Variants in RNF152 observed in about 807,000 individuals in gnomAD.
The protein encoded by RNF152 is E3 ubiquitin-protein ligase RNF152.
RNF152 carries 11 observed loss-of-function variants against 12.7 expected under a neutral mutation model. That is an observed-to-expected ratio of 0.86 (90% confidence interval 0.54 to 1.43). RNF152 has a LOEUF of 1.43. Among genes scored for constraint, RNF152 ranks in the 40% most tolerant of loss-of-function variants. The probability of loss-of-function intolerance (pLI) is 0.00; values close to 1 mark genes in which losing one functional copy is unlikely to be tolerated. For synonymous variants in RNF152, 113 were observed against 120.3 expected (o/e 0.94, Z 0.40); for missense variants, 255 against 274.8 (o/e 0.93, Z 0.51).
chr18:61,865,689 T>A (rs1047295142), intron 1 of RNF152, among the ~76,000 whole-genome samples: 26 of 152,178 alleles, frequency 1.7e-4, no homozygotes, highest in Admixed American at 1.4e-3. Flanking sequence ...GGACTAATAC[T>A]TTGTACCTCA....
intron 1 of RNF152, among the ~76,000 whole-genome samples, chr18:61,818,056 T>A (rs1477202443): frequency 6.6e-6 from 1 of 152,176 alleles, no homozygotes; most frequent in African/African-American, 2.4e-5. Context: ...CTTTCCAATT[T>A]CCTTTGTGAA....
At chr18:61,842,841 T>A (rs1281061611) in intron 1 of RNF152, among the ~76,000 whole-genome samples, 2 of 152,146 alleles carry the variant, frequency 1.3e-5, no homozygotes, top group Non-Finnish European at 2.9e-5. Context: ...AGGAAACCCA[T>A]TCACTATCAC....
At chr18:61,831,045 T>C (rs1039766763) in intron 1 of RNF152, among the ~76,000 whole-genome samples, 1 of 152,216 alleles carries the variant, frequency 6.6e-6, no homozygotes, top group Admixed American at 6.5e-5. Context: ...GGTATTTCCA[T>C]TAACAGGCCT....
chr18:61,816,635 T>G (rs1909110942), intron 1 of RNF152, 37 bp from the exon 2 acceptor site: 1 of 664,830 alleles, frequency 1.5e-6, no homozygotes, highest in South Asian at 2.3e-5. Context: ...TCTTAATTAT[T>G]TCAAAGAAGT....
intron 1 of RNF152, among the ~76,000 whole-genome samples, chr18:61,841,569 G>T (rs1219668993): frequency 1.3e-5 from 2 of 152,136 alleles, no homozygotes; most frequent in African/African-American, 4.8e-5. Flanking sequence ...CTAGTCTAGG[G>T]ATTCTTAACT....
At chr18:61,841,156 G>A (rs187380966) in intron 1 of RNF152, among the ~76,000 whole-genome samples, 148 of 152,226 alleles carry the variant, frequency 9.7e-4, no homozygotes, top group African/African-American at 3.5e-3. Flanking sequence ...ATTCCTGCAG[G>A]GTTCCATACA....
intron 1 of RNF152, among the ~76,000 whole-genome samples, chr18:61,837,705 T>C (rs1455108205): frequency 6.6e-6 from 1 of 152,230 alleles, no homozygotes; most frequent in Non-Finnish European, 1.5e-5. Context: ...ATAGCAAGCC[T>C]CTTGTGCTTC....
intron 1 of RNF152, among the ~76,000 whole-genome samples, chr18:61,884,783 T>C (rs889141912): frequency 1.2e-4 from 18 of 152,176 alleles, no homozygotes; most frequent in African/African-American, 4.1e-4. Context: ...GGTCTTGAAC[T>C]CCTGACTTCA....
rs868677209 is a variant in RNF152 at position 61,859,990 on chromosome 18, T to C, written c.-136+32805A>G. On this transcript the variant is annotated intron_variant, in intron 1 of 1. Coordinates refer to ENST00000312828, the MANE Select transcript of RNF152 (RefSeq NM_173557.3). ...TGTCATTAGTTAAGATGAGGTTATA[T>C]TGGAGCAGGGTGGGCCCTTAATCCA... is the stretch of plus-strand genomic sequence containing the variant. Among the ~76,000 whole-genome samples the C allele has an allele frequency of 6.6e-5, 10 of 152,164 alleles. No individual in the cohort carries two copies. In the East Asian group the frequency reaches 1.9e-3, roughly 29 times the overall value.
intron 1 of RNF152, among the ~76,000 whole-genome samples, chr18:61,863,121 C>T (rs188169700): frequency 9.0e-4 from 137 of 152,232 alleles, no homozygotes; most frequent in Non-Finnish European, 1.8e-3. Context: ...ATGTGTTGCC[C>T]GTAAAACATT....
intron 1 of RNF152, among the ~76,000 whole-genome samples, chr18:61,830,992 A>G (rs1482868785): frequency 2.6e-5 from 4 of 152,216 alleles, no homozygotes; most frequent in Non-Finnish European, 5.9e-5. Context: ...TATTTATATG[A>G]AGTTATATTT....
intron 1 of RNF152, among the ~76,000 whole-genome samples, chr18:61,816,911 C>G (rs751969752): frequency 2.3e-4 from 35 of 152,228 alleles, no homozygotes; most frequent in Non-Finnish European, 4.1e-4. Flanking sequence ...TAAGCAAGCT[C>G]TGGGTCATCC....
intron 1 of RNF152, among the ~76,000 whole-genome samples, chr18:61,849,164 G>A (rs1467214466): frequency 3.9e-5 from 6 of 152,154 alleles, no homozygotes; most frequent in African/African-American, 1.2e-4. Context: ...AGAAACAGGG[G>A]AGTACTGCCC....
chr18:61,828,895 T>C (rs1568267124), intron 1 of RNF152, among the ~76,000 whole-genome samples: 3 of 152,170 alleles, frequency 2.0e-5, no homozygotes, highest in Non-Finnish European at 4.4e-5. Flanking sequence ...AGTCATGTGA[T>C]TGATACTTCA....
chr18:61,858,202 C>T (rs576734038), intron 1 of RNF152, among the ~76,000 whole-genome samples: 1 of 152,184 alleles, frequency 6.6e-6, no homozygotes, highest in Non-Finnish European at 1.5e-5. Context: ...ACTGTGGGCT[C>T]GGCTGTGACC....
chr18:61,865,047 A>C (rs527760302), intron 1 of RNF152, among the ~76,000 whole-genome samples: 3 of 152,170 alleles, frequency 2.0e-5, no homozygotes, highest in Non-Finnish European at 2.9e-5. Context: ...TATGATGAAA[A>C]ACAAAAGATA....
chr18:61,828,196 T>C (rs926674404), intron 1 of RNF152, among the ~76,000 whole-genome samples: 3 of 152,222 alleles, frequency 2.0e-5, no homozygotes, highest in Admixed American at 2.0e-4. Context: ...CTGCCACTAA[T>C]AGCCACTGCT....
chr18:61,819,812 G>A (rs1909292804), intron 1 of RNF152, among the ~76,000 whole-genome samples: 1 of 150,982 alleles, frequency 6.6e-6, no homozygotes, highest in South Asian at 2.1e-4. Flanking sequence ...CTTGAGGCCA[G>A]GAGTTTGAGA....
intron 1 of RNF152, among the ~76,000 whole-genome samples, chr18:61,850,683 A>T (rs1473689455): frequency 6.6e-6 from 1 of 152,238 alleles, no homozygotes; most frequent in East Asian, 1.9e-4. Flanking sequence ...TAAATTCAGG[A>T]CAACAAAGTA....
Sources: allele counts gnomAD v4.1 joint callset (sites outside exome capture counted in the v4.1 genomes callset), GRCh38; gene constraint gnomAD v4.1.1; transcripts MANE v1.5; gene names NCBI Gene and HGNC (gene_info 2026-07-23, HGNC 2026-07-21).